Variants in MPPED1 observed in about 807,000 individuals in gnomAD.
The protein encoded by MPPED1 is metallophosphoesterase domain-containing protein 1.
In MPPED1, 16 loss-of-function variants were observed where a neutral mutation model predicts 36.2. The observed-to-expected ratio is 0.44, with a 90% CI of 0.30 to 0.67. The LOEUF (loss-of-function observed/expected upper bound fraction) is 0.67. Among genes scored for constraint, MPPED1 ranks in the 30% least tolerant of loss-of-function variants. The probability of loss-of-function intolerance (pLI) is 0.10; values close to 1 mark genes in which losing one functional copy is unlikely to be tolerated. For synonymous variants in MPPED1, 199 were observed against 191.3 expected, an observed-to-expected ratio of 1.04 and a Z score of -0.33; for missense variants, 307 against 453.4, an observed-to-expected ratio of 0.68 and a Z score of 2.93.
At position 43,462,306 on chromosome 22, in the gene MPPED1, T is replaced by C. The variant is rs545254467; in HGVS notation, c.407-12430T>C. Among the ~76,000 whole-genome samples, 7 of 152,320 alleles carry C rather than the reference T, an allele frequency of 4.6e-5. No individual in the cohort carries two copies. The East Asian group carries it at 1.3e-3, about 29-fold the overall frequency. On this transcript the variant is annotated intron_variant, in intron 3 of 6. Transcript: ENST00000443721. ...TCAGGCAATGAATGTGCACTGTAAG[T>C]CACAGAGTGCTACAGGGCTTATGCT...
intron 2 of MPPED1, among the ~76,000 whole-genome samples, chr22:43,431,354 A>G (rs972785585): frequency 6.6e-6 from 1 of 151,792 alleles, no homozygotes; most frequent in Non-Finnish European, 1.5e-5. Context: ...CTTTCTCCAT[A>G]TTTTGACTCT....
At chr22:43,462,245 A>T (rs1165364014) in intron 3 of MPPED1, among the ~76,000 whole-genome samples, 2 of 152,176 alleles carry the variant, frequency 1.3e-5, no homozygotes, top group African/African-American at 4.8e-5. Context: ...GACTTTGAAG[A>T]TGCTTCTTTT....
In MPPED1 at chr22:43,464,263, T is replaced by C. The variant is rs922073738; in HGVS notation, c.407-10473T>C. On this transcript the variant is annotated intron_variant, in intron 3 of 6. Coordinates refer to ENST00000443721, the MANE Select transcript of MPPED1 (RefSeq NM_001044370.2). ...ATGACACTGCATTTGTGTATATGAA[T>C]TGAACATCTGAAAGCTGTTGGTCAG... Among the ~76,000 whole-genome samples the C allele has an allele frequency of 5.3e-5, 8 of 151,238 alleles. No individual in the cohort carries two copies. The East Asian group carries it at 1.6e-3, about 29-fold the overall frequency.
At chr22:43,425,312 T>G in intron 2 of MPPED1, 103 bp downstream of exon 2, 1 of 1,443,346 alleles carries the variant, frequency 6.9e-7, no homozygotes, top group African/African-American at 1.4e-5. Context: ...TAACAAGCAT[T>G]GAATGTTTGT....
At chr22:43,460,673 G>A (rs966103362) in intron 3 of MPPED1, among the ~76,000 whole-genome samples, 1 of 152,078 alleles carries the variant, frequency 6.6e-6, no homozygotes, top group South Asian at 2.1e-4. Context: ...GCTGATGACT[G>A]GTCAGAGATT....
intron 3 of MPPED1, among the ~76,000 whole-genome samples, chr22:43,473,501 C>T (rs919681810): frequency 2.0e-5 from 3 of 152,224 alleles, no homozygotes; most frequent in African/African-American, 7.2e-5. Context: ...ACTTGCCTGA[C>T]CCTCCAGGTC....
intron 1 of MPPED1, chr22:43,419,223 T>C (rs1276685944): frequency 2.0e-5 from 3 of 152,162 alleles, no homozygotes; most frequent in Non-Finnish European, 4.4e-5. Context: ...TCACATATCA[T>C]TTTATTCTTT....
At chr22:43,491,984 G>A (rs548817361) in intron 4 of MPPED1, among the ~76,000 whole-genome samples, 59 of 151,402 alleles carry the variant, frequency 3.9e-4, no homozygotes, top group African/African-American at 1.1e-3. Flanking sequence ...TGATTGAGGT[G>A]CTGGTGATGG....
At chr22:43,457,640 C>T (rs560070964) in intron 3 of MPPED1, among the ~76,000 whole-genome samples, 5 of 152,174 alleles carry the variant, frequency 3.3e-5, no homozygotes, top group African/African-American at 1.2e-4. Context: ...TTCTAGTTCA[C>T]TATTTTAATT....
intron 3 of MPPED1, among the ~76,000 whole-genome samples, chr22:43,449,982 G>A (rs538844538): frequency 1.3e-4 from 20 of 152,320 alleles, no homozygotes; most frequent in African/African-American, 4.1e-4. Flanking sequence ...CAGAATGGGC[G>A]GGCCCAGCCG....
At chr22:43,465,220 C>T (rs1032974066) in intron 3 of MPPED1, among the ~76,000 whole-genome samples, 4 of 152,198 alleles carry the variant, frequency 2.6e-5, no homozygotes, top group African/African-American at 7.2e-5. Context: ...GGGGCAGCTC[C>T]GTGGCATGGG....
chr22:43,435,155 G>A lies in MPPED1; in HGVS notation c.346G>A (p.Ala116Thr). The stretch of plus-strand genomic sequence containing the variant: ...GCCGTACGGCGACGTGCTGATCCAC[G>A]CTGGGGACTTCACTGAGCTGGGGCT... ...QMPYGDVLIHAGDFTELGLPS... is the reference protein window; with the variant it reads ...QMPYGDVLIHTGDFTELGLPS... The change falls in exon 3 of 7, where the codon GCT (alanine) becomes ACT (threonine). Residue 116 changes from alanine to threonine, a missense_variant. Physicochemically the swap from Ala to Thr is moderately conservative, Grantham distance 58. Transcript: ENST00000443721. 1.9e-6 allele frequency: 3 copies of A among 1,613,344 alleles called. No individual in the cohort carries two copies. Among genetic ancestry groups the A allele is most frequent in the Non-Finnish European group, 2.5e-6 (3 of 1,179,890 alleles).
chr22:43,501,351 T>C (rs763759585), intron 5 of MPPED1, among the ~76,000 whole-genome samples: 8 of 152,108 alleles, frequency 5.3e-5, no homozygotes, highest in Non-Finnish European at 8.8e-5. Context: ...CCTTCTCCCC[T>C]CTTCTATCTT....
chr22:43,489,359 A>T (rs573116927), intron 4 of MPPED1, among the ~76,000 whole-genome samples: 12 of 151,626 alleles, frequency 7.9e-5, no homozygotes, highest in African/African-American at 2.4e-4. Flanking sequence ...GAGTGAGATC[A>T]CCCCAAGGGG....
chr22:43,443,616 G>C (rs1002514506), intron 3 of MPPED1, among the ~76,000 whole-genome samples: 2 of 151,934 alleles, frequency 1.3e-5, no homozygotes, highest in Non-Finnish European at 2.9e-5. Flanking sequence ...ACAAATATTT[G>C]TTAAAGGAAT....
chr22:43,457,738 T>C, intron 3 of MPPED1, among the ~76,000 whole-genome samples: 1 of 152,354 alleles, frequency 6.6e-6, no homozygotes, highest in Middle Eastern at 3.4e-3. Context: ...CAATCTAGTT[T>C]TGATTAATAG....
At chr22:43,475,536 G>GTGATGTCATGGTGA (rs1318357752) in intron 4 of MPPED1, among the ~76,000 whole-genome samples, 11 of 2,154 alleles carry the variant, frequency 5.1e-3, no homozygotes, top group Middle Eastern at 0.5. Context: ...GGTGGTGGTG[G>GTGATGTCATGGTGA]TGGTGATGTG....
chr22:43,432,456 T>G (rs1357793416), intron 2 of MPPED1, among the ~76,000 whole-genome samples: 1,519 of 25,888 alleles, frequency 0.059, 1 homozygote, highest in Admixed American at 0.072. Flanking sequence ...AGGAGAGAGA[T>G]AAAGAGAGGA....
At chr22:43,456,834 TA>T (rs1396971601) in intron 3 of MPPED1, among the ~76,000 whole-genome samples, 1 of 152,206 alleles carries the variant, frequency 6.6e-6, no homozygotes, top group East Asian at 1.9e-4. Context: ...AAGGGTGTTT[TA>T]TTTTGTCAAA....
Sources: allele counts gnomAD v4.1 joint callset (sites outside exome capture counted in the v4.1 genomes callset), GRCh38; gene constraint gnomAD v4.1.1; transcripts MANE v1.5; gene names NCBI Gene and HGNC (gene_info 2026-07-23, HGNC 2026-07-21).